Variants in RBM11 observed in about 807,000 individuals in gnomAD.
RBM11 encodes splicing regulator RBM11.
RBM11 carries 18 observed loss-of-function variants against 21.4 expected under a neutral mutation model. The ratio of observed to expected loss-of-function variants is 0.84; its 90% CI spans 0.58 to 1.25. The LOEUF (loss-of-function observed/expected upper bound fraction) is 1.25. Among genes scored for constraint, RBM11 ranks in the 50% most tolerant of loss-of-function variants. The pLI, the probability that RBM11 is intolerant of heterozygous loss-of-function variation, is 0.00. For missense variants in RBM11, 294 were observed against 331.9 expected (o/e 0.89, Z 0.89); for synonymous variants, 120 against 116.3 (o/e 1.03, Z -0.20).
intron 3 of RBM11, chr21:14,221,373 G>A: frequency 1.9e-6 from 1 of 515,252 alleles, no homozygotes; most frequent in Non-Finnish European, 3.1e-6. Context: ...AGTAGTAGGG[G>A]GTAGAGACTT....
At chr21:14,224,565 A>G (rs780147023) in intron 4 of RBM11, 28 bp downstream of exon 4, 2 of 1,525,086 alleles carry the variant, frequency 1.3e-6, no homozygotes, top group Non-Finnish European at 1.8e-6. Context: ...TTTATTTAGT[A>G]TATAATATGA....
At chr21:14,221,000 C>T in intron 2 of RBM11, 97 bp from the exon 3 acceptor site, 2 of 1,243,734 alleles carry the variant, frequency 1.6e-6, no homozygotes, top group Non-Finnish European at 2.2e-6. Flanking sequence ...AAAATCACTA[C>T]TACGTCCTAA....
chr21:14,216,378 C>A, intron 1 of RBM11, 96 bp downstream of exon 1: 1 of 994,840 alleles, frequency 1.0e-6, no homozygotes, highest in Non-Finnish European at 1.5e-6. Context: ...CCCCTTCCGT[C>A]CCATCCTGAG....
Position 14,221,140 on chromosome 21 carries a change from C to T in RBM11, c.303C>T (p.Ser101=), listed in dbSNP as rs781125119. ...AACCAGCTAACCAAAGTTTTGAGAG[C>T]TGTGTTAAGATAAATTCACACAACT... is the stretch of plus-strand genomic sequence containing the variant. The part of the protein sequence containing the change: ...SSEPANQSFE[S]CVKINSHNYR... The change falls in exon 3 of 5, where the codon AGC becomes AGT. Residue 101 remains serine, a synonymous_variant. Coordinates refer to ENST00000400577, the MANE Select transcript of RBM11 (RefSeq NM_144770.5). 2 of 1,577,078 alleles carry T rather than the reference C, an allele frequency of 1.3e-6. No homozygotes were observed. Among genetic ancestry groups the T allele is most frequent in the East Asian group, 4.6e-5 (2 of 43,888 alleles).
rs1979222946 is a variant in RBM11, at chr21:14,227,637, C to G, written c.*344C>G. On this transcript the variant is annotated 3_prime_UTR_variant, in exon 5 of 5. Transcript: ENST00000400577. ...AAAGCATCATGTTCCCTTTGATTAT[C>G]CCCTATAACCAACACTCAACTACAA... is the stretch of plus-strand genomic sequence containing the variant. The G allele has an allele frequency of 4.5e-6, 1 of 222,474 alleles. No homozygotes were observed. Among genetic ancestry groups the G allele is most frequent in the African/African-American group, 2.3e-5 (1 of 42,938 alleles). 13.8% of individuals were successfully genotyped at this position (222,474 alleles called of 1,614,324 possible).
At chr21:14,216,360 AG>A in intron 1 of RBM11, 78 bp downstream of exon 1, 1 of 1,225,948 alleles carries the variant, frequency 8.2e-7, no homozygotes, top group East Asian at 2.5e-5. Flanking sequence ...GACCACCCGG[AG>A]CCCGGCCCCC....
chr21:14,218,194 G>A (rs1182479659), intron 1 of RBM11, among the ~76,000 whole-genome samples: 2 of 139,988 alleles, frequency 1.4e-5, no homozygotes, highest in Non-Finnish European at 3.1e-5. Context: ...CTTTACAAAT[G>A]CTTTGAATAT....
chr21:14,224,533 A>G lies in RBM11; in HGVS notation c.428A>G (p.Lys143Arg), dbSNP rs202229649. Residue 143 changes from lysine (K) to arginine (R), a missense_variant, in exon 4 of 5, where the codon AAG becomes AGG. Lys to Arg is a conservative substitution (Grantham distance 26). This residue lies in a region of RBM11 where 113 missense variants were observed against 167.3 expected (regional missense o/e 0.68). Coordinates refer to ENST00000400577, the MANE Select transcript of RBM11 (RefSeq NM_144770.5). Reference sequence around the variant, plus strand: ...CCTCAAGAATATTTTCTCTTTCAGAAGATGGTAAGTTTAATATGCATTTTA... The same window carrying G: ...CCTCAAGAATATTTTCTCTTTCAGAGGATGGTAAGTTTAATATGCATTTTA... ...SLPQEYFLFQ[K>R]MQWHVYNPVL... The G allele has an allele frequency of 3.2e-6, 5 of 1,548,410 alleles. No individual in the cohort carries two copies. The highest frequency in any genetic ancestry group is 4.4e-6 in the Non-Finnish European group (5 of 1,146,530).
At position 14,227,120 on chromosome 21, in the gene RBM11, G is replaced by A. The variant is rs899737702; in HGVS notation, c.673G>A (p.Gly225Arg). The stretch of plus-strand genomic sequence containing the variant: ...GAATCATGTTCCAGATCTTGAGGCT[G>A]GACCCAGCTCATATAAATGGACTCA... Reference protein sequence around the residue: ...SLNHVPDLEAGPSSYKWTHQQ... With the variant: ...SLNHVPDLEARPSSYKWTHQQ... Residue 225 changes from glycine (G) to arginine (R), a missense_variant, in exon 5 of 5, where the codon GGA (glycine) becomes AGA (arginine). Physicochemically the swap from Gly to Arg is moderately radical, Grantham distance 125. Transcript: ENST00000400577. The A allele has an allele frequency of 1.9e-6, 3 of 1,607,142 alleles. No homozygotes were observed. The highest frequency in any genetic ancestry group is 1.3e-5 in the African/African-American group (1 of 74,430).
At chr21:14,224,249 G>A in intron 3 of RBM11, 189 bp from the exon 4 acceptor site, 1 of 786,250 alleles carries the variant, frequency 1.3e-6, no homozygotes, top group Admixed American at 3.2e-5. Flanking sequence ...GAGATACTGG[G>A]ATTTAGGACT....
intron 1 of RBM11, among the ~76,000 whole-genome samples, chr21:14,218,250 A>C (rs1298695883): frequency 6.6e-6 from 1 of 152,192 alleles, no homozygotes; most frequent in Non-Finnish European, 1.5e-5. Context: ...GTTCTGTCCC[A>C]TAGTGATTAC....
chr21:14,224,823 T>G (rs1337574926), intron 4 of RBM11, among the ~76,000 whole-genome samples: 2 of 152,178 alleles, frequency 1.3e-5, no homozygotes, highest in African/African-American at 4.8e-5. Context: ...ATGACTATTT[T>G]AAAAGACGTT....
At chr21:14,216,888 G>T (rs2020458458) in intron 1 of RBM11, among the ~76,000 whole-genome samples, 1 of 152,018 alleles carries the variant, frequency 6.6e-6, no homozygotes, top group Admixed American at 6.6e-5. Context: ...CTGTATACAC[G>T]CTCACTTATC....
chr21:14,218,020 C>G (rs994949980), intron 1 of RBM11, among the ~76,000 whole-genome samples: 8 of 152,054 alleles, frequency 5.3e-5, no homozygotes, highest in Non-Finnish European at 1.0e-4. Flanking sequence ...TTATTTTTGT[C>G]TAGGTATTGA....
intron 4 of RBM11, among the ~76,000 whole-genome samples, chr21:14,225,340 C>T (rs185696745): frequency 9.9e-5 from 15 of 152,190 alleles, no homozygotes; most frequent in Admixed American, 4.6e-4. Flanking sequence ...CTCAATTGGT[C>T]GAGTAAACTA....
At chr21:14,223,142 C>T (rs1452828394) in intron 3 of RBM11, among the ~76,000 whole-genome samples, 4 of 152,170 alleles carry the variant, frequency 2.6e-5, no homozygotes, top group African/African-American at 9.7e-5. Flanking sequence ...ATCACAAATT[C>T]TAGAGTAGAC....
chr21:14,217,444 G>A (rs994428439), intron 1 of RBM11, among the ~76,000 whole-genome samples: 7 of 152,050 alleles, frequency 4.6e-5, no homozygotes, highest in African/African-American at 1.7e-4. Context: ...TGGGTCAAAG[G>A]GGTCCTTTAT....
At chr21:14,223,169 A>C (rs149083373) in intron 3 of RBM11, among the ~76,000 whole-genome samples, 22 of 152,204 alleles carry the variant, frequency 1.4e-4, no homozygotes, top group African/African-American at 5.3e-4. Flanking sequence ...AGTTATGTGT[A>C]TATTTTGGAT....
At position 14,221,306 on chromosome 21, in the gene RBM11, G is replaced by C. The variant is rs768492943; in HGVS notation, c.332+137G>C. 4 of 1,073,420 alleles carry C rather than the reference G, an allele frequency of 3.7e-6. No individual in the cohort carries two copies. In the African/African-American group the frequency reaches 6.7e-5, roughly 18 times the overall value. The allele number at this position is 1,073,420 out of a possible 1,614,324, so 66.5% of individuals were successfully genotyped here. ...AAATTAAGGAATATCTTTTTTTTCC[G>C]AGCCCATGAAAAGTGATAGAAAATA... On this transcript the variant is annotated intron_variant, in intron 3 of 4. Coordinates refer to ENST00000400577, the MANE Select transcript of RBM11 (RefSeq NM_144770.5).
Sources: gnomAD v4.1 joint callset for allele counts (sites outside exome capture counted in the v4.1 genomes callset) on GRCh38, gnomAD v4.1.1 for gene constraint, gnomAD v4.1.1 regional missense constraint, MANE v1.5 for transcripts, NCBI Gene and HGNC (gene_info 2026-07-23, HGNC 2026-07-21) for gene names.